The following CNBD1 variants were observed in gnomAD, a reference collection of about 807,000 sequenced individuals.
The protein encoded by CNBD1 is cyclic nucleotide-binding domain-containing protein 1.
A neutral mutation model predicts 54.4 loss-of-function variants in CNBD1; 71 were observed. The ratio of observed to expected loss-of-function variants is 1.30; its 90% CI spans 1.08 to 1.59. The LOEUF (loss-of-function observed/expected upper bound fraction) is 1.59. Among genes scored for constraint, CNBD1 ranks in the 40% most tolerant of loss-of-function variants. CNBD1 has a pLI of 0.00. For synonymous variants in CNBD1, 182 were observed against 170.7 expected (o/e 1.07, Z -0.51); for missense variants, 659 against 518.0 (o/e 1.27, Z -2.64).
At chr8:87,058,098 G>A (rs1488822552) in intron 4 of CNBD1, among the ~76,000 whole-genome samples, 1 of 151,652 alleles carries the variant, frequency 6.6e-6, no homozygotes, top group Non-Finnish European at 1.5e-5. Context: ...AAAACAAAAA[G>A]ACTAGAGGCC....
chr8:86,985,857 A>G (rs1482867208), intron 4 of CNBD1, among the ~76,000 whole-genome samples: 3 of 152,112 alleles, frequency 2.0e-5, no homozygotes, highest in Non-Finnish European at 4.4e-5. Context: ...CCTCACCAGT[A>G]CCTGTTATTT....
chr8:87,319,201 T>C (rs1176157899), intron 8 of CNBD1, among the ~76,000 whole-genome samples: 2 of 152,046 alleles, frequency 1.3e-5, no homozygotes, highest in Non-Finnish European at 2.9e-5. Context: ...CTAGTTACCT[T>C]CAACAGAGAA....
At chr8:87,050,357 C>T (rs917082905) in intron 4 of CNBD1, among the ~76,000 whole-genome samples, 2 of 152,274 alleles carry the variant, frequency 1.3e-5, no homozygotes, top group Admixed American at 6.5e-5. Flanking sequence ...ATTTTGAAAC[C>T]TTATATCCTC....
At chr8:86,958,254 T>C (rs1457057334) in intron 4 of CNBD1, among the ~76,000 whole-genome samples, 9 of 152,326 alleles carry the variant, frequency 5.9e-5, no homozygotes, top group Middle Eastern at 3.4e-3. Context: ...TCCTACTATG[T>C]GGTCAATTTT....
intron 6 of CNBD1, among the ~76,000 whole-genome samples, chr8:87,281,056 A>C (rs929597079): frequency 2.0e-5 from 3 of 151,634 alleles, no homozygotes; most frequent in East Asian, 1.9e-4. Context: ...TTTATTAAAA[A>C]TTCAGAAAAT....
chr8:87,123,220 T>G (rs1811924073), intron 4 of CNBD1, among the ~76,000 whole-genome samples: 2 of 151,826 alleles, frequency 1.3e-5, no homozygotes, highest in Non-Finnish European at 3.0e-5. Flanking sequence ...TATACCATAA[T>G]GTACTTTCTT....
intron 3 of CNBD1, among the ~76,000 whole-genome samples, chr8:86,909,625 G>A (rs187848608): frequency 4.7e-4 from 71 of 152,126 alleles, no homozygotes; most frequent in African/African-American, 1.6e-3. Flanking sequence ...GTGCAACATT[G>A]CAGTGATTTT....
At chr8:87,392,699 T>TG (rs1811332277) in intron 2 of CNBD1, among the ~76,000 whole-genome samples, 1 of 151,930 alleles carries the variant, frequency 6.6e-6, no homozygotes, top group South Asian at 2.1e-4. Flanking sequence ...GTGTTTCTTT[T>TG]GGGGGTGACA....
At chr8:87,330,354 GCT>G (rs1207134596) in intron 8 of CNBD1, among the ~76,000 whole-genome samples, 1 of 149,308 alleles carries the variant, frequency 6.7e-6, no homozygotes, top group Non-Finnish European at 1.5e-5. Context: ...ATTAATTTTG[GCT>G]CTCATTTTTA....
intron 4 of CNBD1, among the ~76,000 whole-genome samples, chr8:87,047,135 A>C (rs1461809956): frequency 6.6e-6 from 1 of 152,078 alleles, no homozygotes; most frequent in Admixed American, 6.6e-5. Flanking sequence ...GTAATGTTGC[A>C]GTATTTGAGA....
intron 4 of CNBD1, among the ~76,000 whole-genome samples, chr8:86,982,669 A>C (rs2130511488): frequency 6.6e-6 from 1 of 152,336 alleles, no homozygotes; most frequent in Middle Eastern, 3.4e-3. Flanking sequence ...TGCCAGCATA[A>C]CATTTTGTCA....
intron 5 of CNBD1, among the ~76,000 whole-genome samples, chr8:87,207,102 A>C (rs570631518): frequency 6.6e-6 from 1 of 152,326 alleles, no homozygotes; most frequent in South Asian, 2.1e-4. Context: ...GCAATGAAAA[A>C]TAAATCAAAG....
At chr8:86,928,238 T>TTG (rs1030441759) in intron 3 of CNBD1, among the ~76,000 whole-genome samples, 21 of 152,170 alleles carry the variant, frequency 1.4e-4, no homozygotes, top group Non-Finnish European at 3.1e-4. Flanking sequence ...AGGAAGTCAT[T>TTG]TGTGAGAAAA....
chr8:86,866,455 C>A lies in CNBD1; in HGVS notation c.-41C>A. 1.4e-6 allele frequency: 2 copies of A among 1,477,952 alleles called. No individual in the cohort carries two copies. The highest frequency in any genetic ancestry group is 1.9e-6 in the Non-Finnish European group (2 of 1,067,730). The allele number at this position is 1,477,952 out of a possible 1,614,324, so 91.6% of individuals were successfully genotyped here. On this transcript the variant is annotated 5_prime_UTR_variant, in exon 1 of 11. Coordinates refer to ENST00000518476, the MANE Select transcript of CNBD1 (RefSeq NM_173538.3). The stretch of plus-strand genomic sequence containing the variant: ...AGGCAAAGAGTGATCATTTGCCTCT[C>A]AAGCAGCCTCTGGTCATCTATCTGC...
intron 6 of CNBD1, among the ~76,000 whole-genome samples, chr8:87,279,693 C>T (rs1343253873): frequency 1.3e-5 from 2 of 150,790 alleles, no homozygotes; most frequent in Non-Finnish European, 3.0e-5. Context: ...AGTAAATATG[C>T]TTATGTTTTA....
rs1808090493 is a variant in CNBD1, at chr8:87,428,615, T to A, written c.281+2T>A. 3 of 454,100 alleles carry A rather than the reference T, an allele frequency of 6.6e-6. No homozygotes were observed. Among genetic ancestry groups the A allele is most frequent in the Non-Finnish European group, 1.3e-5 (3 of 226,118 alleles). The allele number at this position is 454,100 out of a possible 1,614,324, so 28.1% of individuals were successfully genotyped here. On this transcript the variant is annotated splice_donor_variant, in intron 3 of 7. Coordinates refer to the CNBD1 transcript ENST00000521593. LOFTEE classifies it high-confidence loss of function. ...CCAACTTTTGGCCATCTGACAGATGTAAGTAAAATGTTCAAGTTATAATAA... is the reference window on the plus strand; with the variant it reads ...CCAACTTTTGGCCATCTGACAGATGAAAGTAAAATGTTCAAGTTATAATAA...
chr8:87,351,747 A>T lies in CNBD1; in HGVS notation c.1105A>T (p.Ile369Phe). The stretch of plus-strand genomic sequence containing the variant: ...TTATATTAACTCTGGATGCTGTAAC[A>T]TTTATAGAAGTATTATAGGATTTGT... ...VGYINSGCCN[I>F]YRSIIGFVKL... is the part of the protein sequence containing the mutation. The change falls in exon 9 of 11, where the codon ATT (isoleucine) becomes TTT (phenylalanine). Residue 369 changes from isoleucine (I) to phenylalanine (F), a missense_variant. Ile to Phe is a conservative substitution (Grantham distance 21). Coordinates refer to ENST00000518476, the MANE Select transcript of CNBD1 (RefSeq NM_173538.3). The T allele has an allele frequency of 6.5e-7, 1 of 1,532,404 alleles. No homozygotes were observed. Among genetic ancestry groups the T allele is most frequent in the Non-Finnish European group, 8.7e-7 (1 of 1,144,930 alleles). The allele number at this position is 1,532,404 out of a possible 1,614,324, so 94.9% of individuals were successfully genotyped here. A position where few individuals can be genotyped will look rare whatever the true frequency, so the allele number is the denominator to read the frequency against.
Position 87,237,010 on chromosome 8 carries a change from A to C in CNBD1, c.669A>C (p.Ser223=). 6.2e-7 allele frequency: 1 copy of C among 1,612,434 alleles called. No homozygotes were observed. The highest frequency in any genetic ancestry group is 8.5e-7 in the Non-Finnish European group (1 of 1,178,712). Residue 223 remains serine (S), a synonymous_variant, in exon 6 of 11, where the codon TCA becomes TCC. Transcript: ENST00000518476. ...VYKNLIEGSD[S]PDSFISQSFH... ...AAAATCTGATTGAAGGAAGTGATTC[A>C]CCAGACTCGTTCATATCTCAGAGTT... is the stretch of plus-strand genomic sequence containing the variant.
intron 4 of CNBD1, among the ~76,000 whole-genome samples, chr8:86,959,787 G>A (rs113154250): frequency 0.018 from 2,811 of 152,124 alleles, 82 homozygotes; most frequent in African/African-American, 0.062. Context: ...CCTTGCGATG[G>A]GCTCAAACAT....
Sources: gnomAD v4.1 joint callset for allele counts (sites outside exome capture counted in the v4.1 genomes callset) on GRCh38, gnomAD v4.1.1 for gene constraint, MANE v1.5 for transcripts, NCBI Gene and HGNC (gene_info 2026-07-23, HGNC 2026-07-21) for gene names.